The following RPS6KA5 variants were observed in gnomAD, a reference collection of about 807,000 sequenced individuals.
RPS6KA5 encodes the protein ribosomal protein S6 kinase A5.
RPS6KA5 carries 27 observed loss-of-function variants against 85.5 expected under a neutral mutation model. The observed-to-expected ratio is 0.32, with a 90% CI of 0.23 to 0.44. The LOEUF is 0.44. Ranked by LOEUF, RPS6KA5 falls within the 20% of genes least tolerant of loss-of-function variation. RPS6KA5 has a pLI of 1.00. For missense variants in RPS6KA5, 811 were observed against 980.9 expected (o/e 0.83, Z 2.31); for synonymous variants, 334 against 348.2 (o/e 0.96, Z 0.46).
At chr14:91,060,105 C>T in intron 1 of RPS6KA5, 1 of 985,378 alleles carries the variant, frequency 1.0e-6, no homozygotes, top group Non-Finnish European at 1.2e-6. Flanking sequence ...TGCCTGGTGC[C>T]CGCCGCTCAT....
chr14:90,890,252 A>G (rs1417101370), intron 14 of RPS6KA5, among the ~76,000 whole-genome samples: 1 of 152,218 alleles, frequency 6.6e-6, no homozygotes, highest in Non-Finnish European at 1.5e-5. Context: ...CATTGATATA[A>G]AACACAGCTA....
At chr14:90,964,368 T>C (rs941768519) in intron 3 of RPS6KA5, among the ~76,000 whole-genome samples, 2 of 152,004 alleles carry the variant, frequency 1.3e-5, no homozygotes, top group Admixed American at 6.5e-5. Context: ...AAATAATATA[T>C]AAAAAAATGC....
rs2032221334 is a variant in RPS6KA5 at position 90,855,361 on chromosome 14, A to G, written c.*16713T>C. 1 of 152,248 alleles carries G rather than the reference A, an allele frequency of 6.6e-6. No homozygotes were observed. Among genetic ancestry groups the G allele is most frequent in the Non-Finnish European group, 1.5e-5 (1 of 68,036 alleles). 9.4% of individuals were successfully genotyped at this position (152,248 alleles called of 1,614,324 possible). ...CTTCTGAGACAAAGTTAACATAGGT[A>G]AGATGAGAGAGATTTTAGAAAAGTG... On this transcript the variant is annotated 3_prime_UTR_variant, in exon 17 of 17. Coordinates refer to ENST00000614987, the MANE Select transcript of RPS6KA5 (RefSeq NM_004755.4).
chr14:90,899,298 A>G (rs777461686), intron 12 of RPS6KA5, 31 bp downstream of exon 12: 7 of 1,249,310 alleles, frequency 5.6e-6, no homozygotes, highest in East Asian at 2.5e-5. Flanking sequence ...ATTAGTACAC[A>G]TGGGAAAAAA....
At position 90,866,426 on chromosome 14, in the gene RPS6KA5, C is replaced by T. The variant is rs2032805887; in HGVS notation, c.*5648G>A. 1 of 152,318 alleles carries T rather than the reference C, an allele frequency of 6.6e-6. No homozygotes were observed. Among genetic ancestry groups the T allele is most frequent in the Admixed American group, 6.5e-5 (1 of 15,282 alleles). The allele number at this position is 152,318 out of a possible 1,614,324, so 9.4% of individuals were successfully genotyped here. On this transcript the variant is annotated 3_prime_UTR_variant, in exon 17 of 17. Transcript: ENST00000614987. ...GAGGTTGCAGTGAGCTGTGATCACGCCACTGCACTCCGGCCAGGGTGACAG... is the reference window on the plus strand; with the variant it reads ...GAGGTTGCAGTGAGCTGTGATCACGTCACTGCACTCCGGCCAGGGTGACAG...
At chr14:90,914,314 T>TTTC (rs1435816863) in intron 7 of RPS6KA5, among the ~76,000 whole-genome samples, 2 of 139,126 alleles carry the variant, frequency 1.4e-5, no homozygotes, top group East Asian at 4.2e-4. Context: ...CTAGGGTTTT[T>TTTC]TTTTTTTTTT....
At chr14:90,895,933 A>G (rs1191020702) in intron 12 of RPS6KA5, among the ~76,000 whole-genome samples, 4 of 152,174 alleles carry the variant, frequency 2.6e-5, no homozygotes, top group Non-Finnish European at 5.9e-5. Flanking sequence ...AATGAACACA[A>G]ATGGTTTAGA....
At chr14:90,998,048 G>GTA (rs1374599065) in intron 2 of RPS6KA5, among the ~76,000 whole-genome samples, 1 of 144,436 alleles carries the variant, frequency 6.9e-6, no homozygotes, top group Non-Finnish European at 1.5e-5. Flanking sequence ...GTAGTGATGT[G>GTA]TACTACAATA....
At chr14:90,990,929 T>G (rs2040280905) in intron 2 of RPS6KA5, among the ~76,000 whole-genome samples, 1 of 152,168 alleles carries the variant, frequency 6.6e-6, no homozygotes, top group Non-Finnish European at 1.5e-5. Context: ...TAGGGTACTA[T>G]GCTCACTACC....
chr14:91,040,425 T>C (rs571264942), intron 1 of RPS6KA5, among the ~76,000 whole-genome samples: 13 of 152,124 alleles, frequency 8.5e-5, no homozygotes, highest in Non-Finnish European at 1.9e-4. Context: ...TAAATTAAAT[T>C]GAATTAAATT....
intron 1 of RPS6KA5, among the ~76,000 whole-genome samples, chr14:91,036,590 GGAAGGT>G (rs2042421232): frequency 6.6e-6 from 1 of 152,202 alleles, no homozygotes; most frequent in South Asian, 2.1e-4. Context: ...TAATTTAGCT[GGAAGGT>G]GAAGTAAAGG....
chr14:90,854,293 C>T lies in RPS6KA5; in HGVS notation c.*17781G>A, dbSNP rs1209785659. The T allele has an allele frequency of 2.0e-5, 3 of 151,944 alleles. No individual in the cohort carries two copies. The highest frequency in any genetic ancestry group is 2.9e-5 in the Non-Finnish European group (2 of 67,966). 9.4% of individuals were successfully genotyped at this position (151,944 alleles called of 1,614,324 possible). On this transcript the variant is annotated 3_prime_UTR_variant, in exon 17 of 17. Transcript: ENST00000614987. The stretch of plus-strand genomic sequence containing the variant: ...TAATAAATGGCTACCAGATTTAGAA[C>T]AAAACTTACTGTAGCCATTATAATC...
At chr14:90,974,917 T>C (rs533308263) in intron 3 of RPS6KA5, among the ~76,000 whole-genome samples, 33 of 152,332 alleles carry the variant, frequency 2.2e-4, no homozygotes, top group Non-Finnish European at 3.7e-4. Flanking sequence ...GGGTTTTAAA[T>C]GAAAATTTAT....
intron 5 of RPS6KA5, among the ~76,000 whole-genome samples, chr14:90,942,063 C>T (rs973815041): frequency 2.0e-5 from 3 of 152,122 alleles, no homozygotes; most frequent in African/African-American, 7.2e-5. Context: ...ATCATTTTCA[C>T]TTCATTTATT....
chr14:90,916,974 A>G (rs1054217729), intron 7 of RPS6KA5, among the ~76,000 whole-genome samples: 1 of 152,204 alleles, frequency 6.6e-6, no homozygotes, highest in African/African-American at 2.4e-5. Context: ...CTACAGTGGA[A>G]AGGAAAATTA....
rs2032979398 is a variant in RPS6KA5, at chr14:90,869,697, C to T, written c.*2377G>A. 1 of 152,028 alleles carries T rather than the reference C, an allele frequency of 6.6e-6. No individual in the cohort carries two copies. 9.4% of individuals were successfully genotyped at this position (152,028 alleles called of 1,614,324 possible). On this transcript the variant is annotated 3_prime_UTR_variant, in exon 17 of 17. Coordinates refer to ENST00000614987, the MANE Select transcript of RPS6KA5 (RefSeq NM_004755.4). ...TTGTAGTGTTTATTTTTGATGTGACCAAATGAAAGCTTTCTGAATTTTAAA... is the reference window on the plus strand; with the variant it reads ...TTGTAGTGTTTATTTTTGATGTGACTAAATGAAAGCTTTCTGAATTTTAAA...
chr14:90,868,570 CTAT>C lies in RPS6KA5; in HGVS notation c.*3501_*3503del, dbSNP rs2032907332. On this transcript the variant is annotated 3_prime_UTR_variant, in exon 17 of 17. Coordinates refer to ENST00000614987, the MANE Select transcript of RPS6KA5 (RefSeq NM_004755.4). ...TTCTCACATGAACACTCAAATCATG[CTAT>C]TATTATCAGTCACTGGGAGAACAGC... The C allele has an allele frequency of 6.6e-6, 1 of 152,100 alleles. No individual in the cohort carries two copies. 9.4% of individuals were successfully genotyped at this position (152,100 alleles called of 1,614,324 possible). A position where few individuals can be genotyped will look rare whatever the true frequency, so the allele number is the denominator to read the frequency against.
intron 7 of RPS6KA5, among the ~76,000 whole-genome samples, chr14:90,913,184 T>C (rs1268028346): frequency 6.6e-6 from 1 of 152,004 alleles, no homozygotes; most frequent in Admixed American, 6.5e-5. Flanking sequence ...GTGCCAGGAT[T>C]ATAGGCGTGT....
rs562731953 is a variant in RPS6KA5, at chr14:90,990,198, C to T, written c.175+10890G>A. Among the ~76,000 whole-genome samples, 10 of 152,142 alleles carry T rather than the reference C, an allele frequency of 6.6e-5. No homozygotes were observed. The South Asian group carries it at 2.1e-3, about 32-fold the overall frequency. On this transcript the variant is annotated intron_variant, in intron 2 of 16. Transcript: ENST00000614987. ...ATCAACAAGCAAAAAACAAACGATC[C>T]CATTAAAAAATGGGCAAAGGATATG...
Sources: allele counts gnomAD v4.1 joint callset (sites outside exome capture counted in the v4.1 genomes callset), GRCh38; gene constraint gnomAD v4.1.1; transcripts MANE v1.5; gene names NCBI Gene and HGNC (gene_info 2026-07-23, HGNC 2026-07-21).